CAPN12: variants seen among roughly 807,000 people sequenced by gnomAD.
The protein encoded by CAPN12 is calpain 12.
A neutral mutation model predicts 95.0 loss-of-function variants in CAPN12; 107 were observed. The observed-to-expected ratio is 1.13, with a 90% CI of 0.96 to 1.32. The LOEUF is 1.32. Ranked by LOEUF, CAPN12 falls within the 40% of genes most tolerant of loss-of-function variation. The probability of loss-of-function intolerance (pLI) is 0.00; values close to 1 mark genes in which losing one functional copy is unlikely to be tolerated. For missense variants in CAPN12, 1,136 were observed against 997.8 expected, an observed-to-expected ratio of 1.14 and a Z score of -1.87; for synonymous variants, 505 against 415.5, an observed-to-expected ratio of 1.22 and a Z score of -2.62.
At position 38,730,826 on chromosome 19, in the gene CAPN12, G is replaced by A. The variant is rs988625891; in HGVS notation, c.*26C>T. ...GTCTTGCTCAGCAACCCTGCCCTGA[G>A]CAGCAGGTGCGCCCATCCGGAGATC... On this transcript the variant is annotated 3_prime_UTR_variant, in exon 21 of 21. Coordinates refer to ENST00000328867, the MANE Select transcript of CAPN12 (RefSeq NM_144691.4). 1.9e-6 allele frequency: 3 copies of A among 1,550,448 alleles called. No homozygotes were observed. Among genetic ancestry groups the A allele is most frequent in the African/African-American group, 2.7e-5 (2 of 73,062 alleles).
At position 38,736,847 on chromosome 19, in the gene CAPN12, C is replaced by T. The variant is rs1013866355; in HGVS notation, c.1363-284G>A. On this transcript the variant is annotated intron_variant, in intron 10 of 20. Coordinates refer to ENST00000328867, the MANE Select transcript of CAPN12 (RefSeq NM_144691.4). Reference sequence around the variant, plus strand: ...TCCCTAACCTCGTCCCTCTGTCTGTCCCTGAGCCCCTCCCTCTCATTCCCT... The same window carrying T: ...TCCCTAACCTCGTCCCTCTGTCTGTTCCTGAGCCCCTCCCTCTCATTCCCT... The T allele has an allele frequency of 2.0e-5, 12 of 590,610 alleles. 1 individual carries two copies. Among genetic ancestry groups the T allele is most frequent in the South Asian group, 8.2e-5 (4 of 48,656 alleles). The allele number at this position is 590,610 out of a possible 1,614,324, so 36.6% of individuals were successfully genotyped here. A position where few individuals can be genotyped will look rare whatever the true frequency, so the allele number is the denominator to read the frequency against.
At position 38,734,801 on chromosome 19, in the gene CAPN12, C is replaced by T; in HGVS notation, c.1744+12G>A. On this transcript the variant is annotated intron_variant, in intron 15 of 20. Coordinates refer to ENST00000328867, the MANE Select transcript of CAPN12 (RefSeq NM_144691.4). ...AAGACCCCTCCTCCTGCCCCTATCC[C>T]AGCCAACTCACCAGGCTCCAGGGCA... is the stretch of plus-strand genomic sequence containing the variant. 1 of 1,611,852 alleles carries T rather than the reference C, an allele frequency of 6.2e-7. No individual in the cohort carries two copies. The highest frequency in any genetic ancestry group is 8.5e-7 in the Non-Finnish European group (1 of 1,179,312).
Position 38,737,390 on chromosome 19 carries a change from TAAGG to T in CAPN12, c.1130-6_1130-3del. On this transcript the variant is annotated splice_polypyrimidine_tract_variant and splice_region_variant and intron_variant, in intron 9 of 20. Coordinates refer to ENST00000328867, the MANE Select transcript of CAPN12 (RefSeq NM_144691.4). ...ACTGAGGATTGGTCCAGAAGGTTTC[TAAGG>T]GAGGAGGAAAAAAGGGGGTTTCCTA... is the stretch of plus-strand genomic sequence containing the variant. 1 of 1,609,384 alleles carries T rather than the reference TAAGG, an allele frequency of 6.2e-7. No homozygotes were observed.
At position 38,734,128 on chromosome 19, in the gene CAPN12, G is replaced by A. The variant is rs772738690; in HGVS notation, c.1878+14C>T. ...TTCTCTCTTTCTGGGAAGAGGCCCA[G>A]TCTCCCACCTCACCTGCCACTCCAG... On this transcript the variant is annotated intron_variant, in intron 17 of 20. Transcript: ENST00000328867. The A allele has an allele frequency of 1.2e-6, 2 of 1,612,178 alleles. No homozygotes were observed. The highest frequency in any genetic ancestry group is 1.1e-5 in the South Asian group (1 of 91,052).
Position 38,741,766 on chromosome 19 carries a change from G to C in CAPN12, c.560+11C>G, listed in dbSNP as rs754000729. 3.1e-6 allele frequency: 5 copies of C among 1,613,720 alleles called. No individual in the cohort carries two copies. The highest frequency in any genetic ancestry group is 1.7e-6 in the Non-Finnish European group (2 of 1,179,940). On this transcript the variant is annotated intron_variant, in intron 4 of 20. Coordinates refer to ENST00000328867, the MANE Select transcript of CAPN12 (RefSeq NM_144691.4). ...CTTAGGGCTGCAGCTGGTTGGAACT[G>C]GGGTCCTCACTTGGCGTAGGCCTTC...
rs1970152272 is a variant in CAPN12, at chr19:38,736,386, G to A, written c.1375-68C>T. 5 of 1,480,240 alleles carry A rather than the reference G, an allele frequency of 3.4e-6. No homozygotes were observed. In the Admixed American group the frequency reaches 8.6e-5, roughly 25 times the overall value. 91.7% of individuals were successfully genotyped at this position (1,480,240 alleles called of 1,614,324 possible). A position where few individuals can be genotyped will look rare whatever the true frequency, so the allele number is the denominator to read the frequency against. ...GCCCTTCATCCCCGCACCCTCCAGC[G>A]CGCCCCGTCCACCCTGCCTAACCCC... On this transcript the variant is annotated intron_variant, in intron 11 of 20. Transcript: ENST00000328867.
Position 38,734,367 on chromosome 19 carries a change from G to T in CAPN12, c.1767C>A (p.Pro589=). The T allele has an allele frequency of 6.2e-7, 1 of 1,604,926 alleles. No homozygotes were observed. ...LEPARAHTST[P]REIGLRTCEQ... ...CACAGGTCCTGAGCCCGATCTCTCT[G>T]GGGGTGGAGGTATGGGCCCTGGCTA... is the stretch of plus-strand genomic sequence containing the variant. Residue 589 remains proline (P), a synonymous_variant, in exon 16 of 21, where the codon CCC becomes CCA. Transcript: ENST00000328867.
chr19:38,743,692 A>G (rs190228058), intron 1 of CAPN12, among the ~76,000 whole-genome samples: 1 of 139,698 alleles, frequency 7.2e-6, no homozygotes, highest in Non-Finnish European at 1.5e-5. Context: ...CCAGGAGTCC[A>G]GGTCCCCAGC....
At chr19:38,736,473 C>G in intron 11 of CAPN12, 79 bp downstream of exon 11, 1 of 488,798 alleles carries the variant, frequency 2.0e-6, no homozygotes, top group Admixed American at 5.0e-5. Flanking sequence ...GCAGTTTGAC[C>G]AAGCCCCAGG....
chr19:38,734,033 A>G, intron 17 of CAPN12, 109 bp downstream of exon 17: 1 of 1,220,796 alleles, frequency 8.2e-7, no homozygotes, highest in Non-Finnish European at 1.2e-6. Flanking sequence ...AAGTCAGCCT[A>G]GTCCAGTACC....
Position 38,744,358 on chromosome 19 carries a change from GC to G in CAPN12, c.-194del. 1.6e-6 allele frequency: 1 copy of G among 616,504 alleles called. No individual in the cohort carries two copies. The highest frequency in any genetic ancestry group is 2.8e-6 in the Non-Finnish European group (1 of 351,540). The allele number at this position is 616,504 out of a possible 1,614,324, so 38.2% of individuals were successfully genotyped here. On this transcript the variant is annotated 5_prime_UTR_variant, in exon 1 of 21. Coordinates refer to ENST00000328867, the MANE Select transcript of CAPN12 (RefSeq NM_144691.4). Reference sequence around the variant, plus strand: ...AGTAGCTTTCTTCCCAGGGCGTGGGGCCTTCAGTTGTGGCCAAGGTAGCAGC... The same window carrying G: ...AGTAGCTTTCTTCCCAGGGCGTGGGGCTTCAGTTGTGGCCAAGGTAGCAGC...
chr19:38,741,926 G>A lies in CAPN12; in HGVS notation c.427-16C>T, dbSNP rs1268499237. ...ACTGCCAGAGCTGGTGGGAGAAGAT[G>A]CAGGGCCGGACTCGGCTTCCAACCT... On this transcript the variant is annotated splice_polypyrimidine_tract_variant and intron_variant, in intron 3 of 20. Transcript: ENST00000328867. The A allele has an allele frequency of 2.5e-6, 4 of 1,612,580 alleles. No homozygotes were observed. Among genetic ancestry groups the A allele is most frequent in the South Asian group, 1.1e-5 (1 of 90,900 alleles).
At chr19:38,732,138 A>G (rs1969665855) in intron 18 of CAPN12, among the ~76,000 whole-genome samples, 3 of 152,242 alleles carry the variant, frequency 2.0e-5, no homozygotes, top group Admixed American at 1.3e-4. Context: ...TCTTCCTGGA[A>G]TAACTCCTGG....
chr19:38,739,952 G>T, intron 5 of CAPN12, 99 bp downstream of exon 5: 1 of 1,251,900 alleles, frequency 8.0e-7, no homozygotes, highest in Non-Finnish European at 1.1e-6. Flanking sequence ...AGCCAGTAAC[G>T]GAAGCAGAGA....
intron 5 of CAPN12, chr19:38,739,406 G>A (rs55945853): frequency 0.38 from 52,224 of 136,020 alleles, 11,022 homozygotes; most frequent in Non-Finnish European, 0.48. Context: ...CCAAGGTCGT[G>A]CCACTGCACT....
At position 38,736,202 on chromosome 19, in the gene CAPN12, T is replaced by C. The variant is rs1429699148; in HGVS notation, c.1491A>G (p.Pro497=). Residue 497 remains proline (P), a synonymous_variant, in exon 12 of 21, where the codon CCA becomes CCG. Coordinates refer to ENST00000328867, the MANE Select transcript of CAPN12 (RefSeq NM_144691.4). ...TGCTCGGCACCACCAGGTAGTGGCC[T>C]GGACGCAGGCAGCAGCGGCGGGTCA... ...RDVTRRCCLR[P]GHYLVVPSTA... The C allele has an allele frequency of 6.6e-7, 1 of 1,508,370 alleles. No individual in the cohort carries two copies. The highest frequency in any genetic ancestry group is 1.5e-5 in the African/African-American group (1 of 68,770). 93.4% of individuals were successfully genotyped at this position (1,508,370 alleles called of 1,614,324 possible).
In CAPN12 at chr19:38,738,719, C is replaced by A. The variant is rs538331145; in HGVS notation, c.730-71G>T. The A allele has an allele frequency of 1.3e-4, 192 of 1,437,996 alleles. 5 individuals are homozygous for A. In the South Asian group the frequency reaches 2.1e-3, roughly 16 times the overall value. 89.1% of individuals were successfully genotyped at this position (1,437,996 alleles called of 1,614,324 possible). On this transcript the variant is annotated intron_variant, in intron 5 of 20. Transcript: ENST00000328867. ...GCAGCTGCTCCTCCCTGCCCCCAAC[C>A]TCCTGCCACCAAGGCAGGAGCCAAC...
chr19:38,742,643 A>G, intron 2 of CAPN12, 115 bp from the exon 3 acceptor site: 1 of 712,342 alleles, frequency 1.4e-6, no homozygotes, highest in East Asian at 2.7e-5. Flanking sequence ...ACGTGAGCCT[A>G]GGAGTTCAAG....
At chr19:38,735,603 G>A in intron 12 of CAPN12, 59 bp from the exon 13 acceptor site, 1 of 1,570,642 alleles carries the variant, frequency 6.4e-7, no homozygotes, top group South Asian at 1.1e-5. Flanking sequence ...GGGCTGTGTG[G>A]GACGGGGTCT....
Sources: allele counts gnomAD v4.1 joint callset (sites outside exome capture counted in the v4.1 genomes callset), GRCh38; gene constraint gnomAD v4.1.1; transcripts MANE v1.5; gene names NCBI Gene and HGNC (gene_info 2026-07-23, HGNC 2026-07-21).